Variants in LEP observed in about 807,000 individuals in gnomAD.
LEP encodes the protein leptin (murine obesity homolog).
Under a neutral mutation model 9.8 loss-of-function variants are expected in LEP, and 6 were observed. That is an observed-to-expected ratio of 0.61 (90% confidence interval 0.34 to 1.21). The LOEUF is 1.21. Among genes scored for constraint, LEP ranks in the 50% most tolerant of loss-of-function variants. The pLI, the probability that LEP is intolerant of heterozygous loss-of-function variation, is 0.04. For synonymous variants in LEP, 112 were observed against 81.7 expected (o/e 1.37, Z -2.00); for missense variants, 134 against 198.1 (o/e 0.68, Z 1.94).
Position 128,252,125 on chromosome 7 carries a change from A to G in LEP, c.107A>G (p.Lys36Arg), listed in dbSNP as rs111650508. 36 of 1,614,236 alleles carry G rather than the reference A, an allele frequency of 2.2e-5. 1 individual carries two copies. In the African/African-American group the frequency reaches 2.7e-4, roughly 12 times the overall value. ...CAAGATGACACCAAAACCCTCATCAAGACAATTGTCACCAGGATCAATGAC... is the reference window on the plus strand; with the variant it reads ...CAAGATGACACCAAAACCCTCATCAGGACAATTGTCACCAGGATCAATGAC... ...KVQDDTKTLI[K>R]TIVTRINDIS... Residue 36 changes from lysine to arginine, a missense_variant, in exon 2 of 3, where the codon AAG becomes AGG. Lys to Arg is a conservative substitution (Grantham distance 26). Coordinates refer to ENST00000308868, the MANE Select transcript of LEP (RefSeq NM_000230.3).
Position 128,252,027 on chromosome 7 carries a change from G to C in LEP, c.9G>C (p.Trp3Cys). MHWGTLCGFLWLW... is the reference protein window; with the variant it reads MHCGTLCGFLWLW... ...CCATCCTGGGAAGGAAAATGCATTGGGGAACCCTGTGCGGATTCTTGTGGC... is the reference window on the plus strand; with the variant it reads ...CCATCCTGGGAAGGAAAATGCATTGCGGAACCCTGTGCGGATTCTTGTGGC... Residue 3 changes from tryptophan to cysteine, a missense_variant, in exon 2 of 3, where the codon TGG (tryptophan) becomes TGC (cysteine). By Grantham distance (215) the Trp-to-Cys change is radical. Coordinates refer to ENST00000308868, the MANE Select transcript of LEP (RefSeq NM_000230.3). The C allele has an allele frequency of 6.2e-7, 1 of 1,614,156 alleles. No homozygotes were observed. Among genetic ancestry groups the C allele is most frequent in the Non-Finnish European group, 8.5e-7 (1 of 1,180,030 alleles).
intron 2 of LEP, 68 bp from the exon 3 acceptor site, chr7:128,254,336 G>A: frequency 6.3e-7 from 1 of 1,595,048 alleles, no homozygotes; most frequent in South Asian, 1.1e-5. Context: ...CCACGGGGAA[G>A]GCAGAGGGCT....
At chr7:128,248,680 C>T (rs1171079494) in intron 1 of LEP, among the ~76,000 whole-genome samples, 3 of 152,192 alleles carry the variant, frequency 2.0e-5, no homozygotes, top group African/African-American at 7.2e-5. Flanking sequence ...CTTAAGGGCA[C>T]AGTTTTGTTC....
intron 1 of LEP, among the ~76,000 whole-genome samples, chr7:128,241,949 A>G (rs1288444627): frequency 6.6e-6 from 1 of 151,410 alleles, no homozygotes; most frequent in Non-Finnish European, 1.5e-5. Context: ...TTTGCAATGC[A>G]TACAATGAGG....
chr7:128,245,104 G>A (rs900266784), intron 1 of LEP, among the ~76,000 whole-genome samples: 1 of 152,074 alleles, frequency 6.6e-6, no homozygotes, highest in Non-Finnish European at 1.5e-5. Flanking sequence ...CTCCCAGGAG[G>A]TCCCTACTAA....
At chr7:128,247,019 C>A (rs1795219379) in intron 1 of LEP, among the ~76,000 whole-genome samples, 1 of 152,192 alleles carries the variant, frequency 6.6e-6, no homozygotes, top group Non-Finnish European at 1.5e-5. Flanking sequence ...GACCCCTCTC[C>A]TCTCCAGGAG....
chr7:128,243,792 C>G lies in LEP; in HGVS notation c.-29+2486C>G, dbSNP rs562446260. On this transcript the variant is annotated intron_variant, in intron 1 of 2. Transcript: ENST00000308868. ...GAGAATGGGAAATCTTTCATTTATT[C>G]ATGCAACAGATATTTAACGAAGCCC... Among the ~76,000 whole-genome samples the G allele has an allele frequency of 3.5e-4, 53 of 152,310 alleles. 1 individual carries two copies. The South Asian group carries it at 0.011, about 32-fold the overall frequency.
intron 1 of LEP, among the ~76,000 whole-genome samples, chr7:128,246,776 C>G (rs1795216569): frequency 6.6e-6 from 1 of 152,108 alleles, no homozygotes; most frequent in Non-Finnish European, 1.5e-5. Context: ...TTCATCTGTG[C>G]AGCTCCAGGG....
intron 1 of LEP, among the ~76,000 whole-genome samples, chr7:128,245,495 C>T (rs1160378100): frequency 6.6e-6 from 1 of 152,172 alleles, no homozygotes; most frequent in Non-Finnish European, 1.5e-5. Flanking sequence ...GTTCTTTTCT[C>T]ATCCCCAAGT....
At chr7:128,245,935 G>A (rs377719652) in intron 1 of LEP, among the ~76,000 whole-genome samples, 17 of 152,102 alleles carry the variant, frequency 1.1e-4, no homozygotes, top group East Asian at 5.8e-4. Flanking sequence ...GGTGGTGGGC[G>A]CCTGTATTTC....
chr7:128,256,630 C>T lies in LEP; in HGVS notation c.*1867C>T, dbSNP rs1245759141. The T allele has an allele frequency of 1.3e-5, 2 of 152,226 alleles. No homozygotes were observed. The highest frequency in any genetic ancestry group is 3.8e-4 in the East Asian group (2 of 5,196). 9.4% of individuals were successfully genotyped at this position (152,226 alleles called of 1,614,324 possible). A position where few individuals can be genotyped will look rare whatever the true frequency, so the allele number is the denominator to read the frequency against. On this transcript the variant is annotated 3_prime_UTR_variant, in exon 3 of 3. Transcript: ENST00000308868. ...CGTGCCCAGGGGCCCACAGGGAACCCTGCTTGCACTTTGTAACATGTTTAC... is the reference window on the plus strand; with the variant it reads ...CGTGCCCAGGGGCCCACAGGGAACCTTGCTTGCACTTTGTAACATGTTTAC...
At chr7:128,253,090 T>TTAG (rs1795294384) in intron 2 of LEP, among the ~76,000 whole-genome samples, 1 of 152,062 alleles carries the variant, frequency 6.6e-6, no homozygotes, top group Non-Finnish European at 1.5e-5. Flanking sequence ...CTTCACTTCC[T>TTAG]TGAATCTTAG....
intron 1 of LEP, among the ~76,000 whole-genome samples, chr7:128,245,464 G>C (rs757091551): frequency 6.6e-6 from 1 of 152,124 alleles, no homozygotes; most frequent in Admixed American, 6.6e-5. Flanking sequence ...TCCAAACTTC[G>C]CTGCCTTTAT....
chr7:128,241,962 T>C (rs1045888949), intron 1 of LEP, among the ~76,000 whole-genome samples: 2 of 151,568 alleles, frequency 1.3e-5, no homozygotes, highest in African/African-American at 4.9e-5. Context: ...CAATGAGGTG[T>C]CTCTGGGGGT....
chr7:128,249,196 C>T (rs540351153), intron 1 of LEP, among the ~76,000 whole-genome samples: 1 of 152,274 alleles, frequency 6.6e-6, no homozygotes, highest in African/African-American at 2.4e-5. Flanking sequence ...TGTGTTAAGT[C>T]GGTTAGCATT....
intron 2 of LEP, 33 bp downstream of exon 2, chr7:128,252,195 G>A: frequency 1.2e-6 from 2 of 1,612,864 alleles, no homozygotes; most frequent in South Asian, 1.1e-5. Flanking sequence ...AAGTAGAACT[G>A]CAGCCAGCCC....
rs530356788 is a variant in LEP at position 128,244,263 on chromosome 7, A to T, written c.-29+2957A>T. On this transcript the variant is annotated intron_variant, in intron 1 of 2. Transcript: ENST00000308868. ...AAGACCCTGACACACACACACACACACACACACACACACACACAGATTAGA... is the reference window on the plus strand; with the variant it reads ...AAGACCCTGACACACACACACACACTCACACACACACACACACAGATTAGA... 2.2e-3 allele frequency among the ~76,000 whole-genome samples: 313 copies of T among 142,332 alleles called. 1 individual carries two copies. Among genetic ancestry groups the T allele is most frequent in the African/African-American group, 9.4e-3 (309 of 32,932 alleles). The allele number at this position is 142,332 out of a possible 152,430, so 93.4% of individuals were successfully genotyped here.
In LEP at chr7:128,243,021, G is replaced by A. The variant is rs986837203; in HGVS notation, c.-29+1715G>A. Among the ~76,000 whole-genome samples the A allele has an allele frequency of 3.3e-5, 5 of 152,204 alleles. No individual in the cohort carries two copies. The East Asian group carries it at 5.8e-4, about 18-fold the overall frequency. On this transcript the variant is annotated intron_variant, in intron 1 of 2. Coordinates refer to ENST00000308868, the MANE Select transcript of LEP (RefSeq NM_000230.3). Reference sequence around the variant, plus strand: ...GGCAGTCAGTTACCCCATCCCCACCGGGGTAGGAGTCTGGCAGCCGCAGCT... The same window carrying A: ...GGCAGTCAGTTACCCCATCCCCACCAGGGTAGGAGTCTGGCAGCCGCAGCT...
chr7:128,254,285 G>A, intron 2 of LEP, 119 bp from the exon 3 acceptor site: 1 of 1,327,220 alleles, frequency 7.5e-7, no homozygotes, highest in Non-Finnish European at 1.1e-6. Flanking sequence ...AAGTGGTGAG[G>A]GAGGGTGGAA....
Sources: gnomAD v4.1 joint callset for allele counts (sites outside exome capture counted in the v4.1 genomes callset) on GRCh38, gnomAD v4.1.1 for gene constraint, MANE v1.5 for transcripts, NCBI Gene and HGNC (gene_info 2026-07-23, HGNC 2026-07-21) for gene names.